OTOG: variants seen among roughly 807,000 people sequenced by gnomAD.
OTOG encodes otogelin.
In OTOG, 296 loss-of-function variants were observed where a neutral mutation model predicts 313.8. The ratio of observed to expected loss-of-function variants is 0.94; its 90% CI spans 0.86 to 1.04. The LOEUF (loss-of-function observed/expected upper bound fraction) is 1.04. Among genes scored for constraint, OTOG ranks in the 50% least tolerant of loss-of-function variants. The pLI is 0.00. For synonymous variants in OTOG, 1,533 were observed against 1,554.9 expected (o/e 0.99, Z 0.33); for missense variants, 3,948 against 3,840.1 (o/e 1.03, Z -0.74).
At chr11:17,613,243 C>CTTTCTTTCT (rs1853629861) in intron 38 of OTOG, among the ~76,000 whole-genome samples, 1 of 128,992 alleles carries the variant, frequency 7.8e-6, no homozygotes, top group Non-Finnish European at 1.6e-5. Flanking sequence ...TTCTTTCTTT[C>CTTTCTTTCT]TTTCTTTCTT....
intron 31 of OTOG, among the ~76,000 whole-genome samples, chr11:17,601,521 G>A (rs1386159410): frequency 1.3e-5 from 2 of 151,840 alleles, no homozygotes; most frequent in Non-Finnish European, 2.9e-5. Context: ...AGGGCTGAAG[G>A]GCTTCTGAAT....
Position 17,555,898 on chromosome 11 carries a change from G to C in OTOG, c.659+1G>C. ...AGGAGGTCACCCATGGAGGCATGAG[G>C]TAACTCTAACACCTTCCACATCGAG... On this transcript the variant is annotated splice_donor_variant, in intron 7 of 55. Transcript: ENST00000399397. LOFTEE classifies it high-confidence loss of function. 1 of 1,548,490 alleles carries C rather than the reference G, an allele frequency of 6.5e-7. No homozygotes were observed. Among genetic ancestry groups the C allele is most frequent in the Non-Finnish European group, 8.7e-7 (1 of 1,144,710 alleles).
chr11:17,632,541 C>CCAT (rs956725786), intron 42 of OTOG, among the ~76,000 whole-genome samples: 65 of 152,198 alleles, frequency 4.3e-4, no homozygotes, highest in African/African-American at 1.5e-3. Context: ...GAGACTGTAA[C>CCAT]CATCGCCCCC....
chr11:17,605,223 C>T (rs1195305011), intron 32 of OTOG, among the ~76,000 whole-genome samples: 1 of 152,242 alleles, frequency 6.6e-6, no homozygotes, highest in Non-Finnish European at 1.5e-5. Flanking sequence ...ATCAAGCCCC[C>T]ATGCCCTAGA....
At chr11:17,642,292 CTG>C in intron 53 of OTOG, 46 bp downstream of exon 53, 1 of 1,514,826 alleles carries the variant, frequency 6.6e-7, no homozygotes, top group Non-Finnish European at 8.9e-7. Context: ...GGGGCATCAG[CTG>C]TCTCACTGGT....
At position 17,570,153 on chromosome 11, in the gene OTOG, T is replaced by C. The variant is rs1018063586; in HGVS notation, c.1778-60T>C. 16 of 1,436,276 alleles carry C rather than the reference T, an allele frequency of 1.1e-5. No individual in the cohort carries two copies. The Admixed American group carries it at 1.2e-4, about 11-fold the overall frequency. 89.0% of individuals were successfully genotyped at this position (1,436,276 alleles called of 1,614,324 possible). A position where few individuals can be genotyped will look rare whatever the true frequency, so the allele number is the denominator to read the frequency against. On this transcript the variant is annotated intron_variant, in intron 16 of 55. Transcript: ENST00000399397. ...TCTGAGCGGGCCAGGCAGGTGGTGG[T>C]GGTGGGCGGGGTGTGTACTGGCTGC... is the stretch of plus-strand genomic sequence containing the variant.
intron 39 of OTOG, among the ~76,000 whole-genome samples, chr11:17,627,908 CA>C (rs1329141880): frequency 6.6e-6 from 1 of 152,072 alleles, no homozygotes; most frequent in Non-Finnish European, 1.5e-5. Flanking sequence ...TGAATTTCTG[CA>C]GTATCAGTTG....
intron 35 of OTOG, among the ~76,000 whole-genome samples, 169 bp downstream of exon 35, chr11:17,609,378 T>G (rs1477445516): frequency 2.0e-5 from 3 of 152,110 alleles, no homozygotes; most frequent in African/African-American, 7.2e-5. Context: ...TCCGGTCTAT[T>G]CGCCCCATTT....
At chr11:17,563,565 C>T (rs1351869485) in intron 15 of OTOG, among the ~76,000 whole-genome samples, 3 of 152,234 alleles carry the variant, frequency 2.0e-5, no homozygotes, top group South Asian at 2.1e-4. Flanking sequence ...TGGGGTCATT[C>T]CCATCACATC....
At chr11:17,630,487 A>G (rs187817190) in intron 40 of OTOG, among the ~76,000 whole-genome samples, 1 of 152,360 alleles carries the variant, frequency 6.6e-6, no homozygotes, top group South Asian at 2.1e-4. Context: ...CATGCTTTAT[A>G]TTCACAGAAT....
At chr11:17,611,484 T>G in intron 36 of OTOG, 61 bp downstream of exon 36, 7 of 1,403,084 alleles carry the variant, frequency 5.0e-6, no homozygotes, top group South Asian at 2.9e-5. Flanking sequence ...TCCCTTCCTC[T>G]TCCCTGCTAG....
intron 39 of OTOG, among the ~76,000 whole-genome samples, chr11:17,617,227 A>G (rs1853743594): frequency 6.6e-6 from 1 of 152,054 alleles, no homozygotes; most frequent in Admixed American, 6.5e-5. Context: ...TCCTTTTTAT[A>G]TATTGTTGTA....
At chr11:17,557,395 G>A in intron 8 of OTOG, 72 bp downstream of exon 8, 2 of 1,441,480 alleles carry the variant, frequency 1.4e-6, no homozygotes, top group Admixed American at 2.0e-5. Context: ...GGAGGGGTTG[G>A]AGGGGACTTG....
chr11:17,573,276 G>A lies in OTOG; in HGVS notation c.2279G>A (p.Arg760His), dbSNP rs773167877. The part of the protein sequence containing the change: ...RHGLPVDFRA[R>H]LPACALSCEA... ...GGGCTCCCCGTTGATTTCCGCGCCC[G>A]CCTGCCAGCCTGTGGTGAGTGCCCC... The change falls in exon 19 of 56, where the codon CGC (arginine) becomes CAC (histidine). Residue 760 changes from arginine (R) to histidine (H), a missense_variant. By Grantham distance (29) the Arg-to-His change is conservative (BLOSUM62 0). Coordinates refer to ENST00000399397, the MANE Select transcript of OTOG (RefSeq NM_001292063.2). The A allele has an allele frequency of 7.2e-6, 11 of 1,526,576 alleles. No individual in the cohort carries two copies. The highest frequency in any genetic ancestry group is 4.1e-5 in the African/African-American group (3 of 72,802). The allele number at this position is 1,526,576 out of a possible 1,614,324, so 94.6% of individuals were successfully genotyped here.
intron 23 of OTOG, among the ~76,000 whole-genome samples, chr11:17,578,855 G>A (rs1852600877): frequency 6.6e-6 from 1 of 152,204 alleles, no homozygotes; most frequent in Non-Finnish European, 1.5e-5. Context: ...GGCACGCTGG[G>A]CACTGCAGTG....
Position 17,561,736 on chromosome 11 carries a change from C to T in OTOG, c.1573C>T (p.Gln525Ter). ...CCGGTACACGTTCCCCGCCACATGT[C>T]AGTACATCCTGGCCAAGAGCCGCTC... ...GRRYTFPATC[Q>*]YILAKSRSSG... Residue 525 changes from glutamine to a stop codon, truncating the protein, a stop_gained, in exon 15 of 56, where the codon CAG becomes TAG. Transcript: ENST00000399397. LOFTEE classifies it high-confidence loss of function. 2 of 1,550,556 alleles carry T rather than the reference C, an allele frequency of 1.3e-6. No homozygotes were observed. Among genetic ancestry groups the T allele is most frequent in the Non-Finnish European group, 1.7e-6 (2 of 1,146,980 alleles).
rs1853594326 is a variant in OTOG at position 17,612,766 on chromosome 11, G to A, written c.6438+1G>A. 1 of 1,550,202 alleles carries A rather than the reference G, an allele frequency of 6.5e-7. No homozygotes were observed. The highest frequency in any genetic ancestry group is 8.7e-7 in the Non-Finnish European group (1 of 1,146,802). On this transcript the variant is annotated splice_donor_variant, in intron 38 of 55. Coordinates refer to ENST00000399397, the MANE Select transcript of OTOG (RefSeq NM_001292063.2). LOFTEE classifies it high-confidence loss of function. ...ACTGGACTGCAAAAGTGCCAACCTG[G>A]TGCCTGCCCCATACCTCCCTCCCTG...
intron 38 of OTOG, 148 bp downstream of exon 38, chr11:17,612,913 C>A: frequency 9.9e-7 from 1 of 1,005,984 alleles, no homozygotes; most frequent in Non-Finnish European, 1.4e-6. Flanking sequence ...TGGGCAGGGC[C>A]TCCCAGGTGA....
intron 3 of OTOG, among the ~76,000 whole-genome samples, chr11:17,551,062 G>A (rs1851920155): frequency 6.6e-6 from 1 of 150,400 alleles, no homozygotes; most frequent in African/African-American, 2.4e-5. Context: ...GCAGTTTGTG[G>A]CTTGTTGGCC....
Sources: allele counts gnomAD v4.1 joint callset (sites outside exome capture counted in the v4.1 genomes callset), GRCh38; gene constraint gnomAD v4.1.1; transcripts MANE v1.5; gene names NCBI Gene and HGNC (gene_info 2026-07-23, HGNC 2026-07-21).